ABCA1: variants seen among roughly 807,000 people sequenced by gnomAD.
ABCA1 encodes ATP binding cassette subfamily A member 1.
A neutral mutation model predicts 262.5 loss-of-function variants in ABCA1; 133 were observed. The ratio of observed to expected loss-of-function variants is 0.51; its 90% confidence interval spans 0.44 to 0.59. ABCA1 has a LOEUF of 0.59. ABCA1 is among the 20% of genes least tolerant of loss of function. ABCA1 has a pLI of 0.00. For synonymous variants in ABCA1, 1,022 were observed against 1,043.5 expected, an observed-to-expected ratio of 0.98 and a Z score of 0.40; for missense variants, 2,452 against 2,777.5, an observed-to-expected ratio of 0.88 and a Z score of 2.63.
chr9:104,866,061 A>G (rs1445108854), intron 5 of ABCA1, among the ~76,000 whole-genome samples: 1 of 152,224 alleles, frequency 6.6e-6, no homozygotes, highest in Non-Finnish European at 1.5e-5. Flanking sequence ...AAAAGGACAG[A>G]GTCAAAAATC....
At chr9:104,889,041 G>T (rs1365167444) in intron 3 of ABCA1, 61 bp downstream of exon 3, 4 of 1,460,522 alleles carry the variant, frequency 2.7e-6, no homozygotes, top group Non-Finnish European at 3.8e-6. Context: ...TTTAGCCCAC[G>T]TTAATTGCCT....
chr9:104,826,355 G>A (rs1372037750), intron 16 of ABCA1, among the ~76,000 whole-genome samples: 1 of 152,042 alleles, frequency 6.6e-6, no homozygotes, highest in Non-Finnish European at 1.5e-5. Flanking sequence ...TAAGTGACCT[G>A]GGGACATCTG....
At chr9:104,895,796 C>T (rs1389910593) in intron 2 of ABCA1, among the ~76,000 whole-genome samples, 1 of 152,156 alleles carries the variant, frequency 6.6e-6, no homozygotes, top group Non-Finnish European at 1.5e-5. Flanking sequence ...CCATTTCCCT[C>T]CCTAGCCTGA....
intron 1 of ABCA1, among the ~76,000 whole-genome samples, chr9:104,909,939 T>C (rs1841399297): frequency 6.6e-6 from 1 of 152,218 alleles, no homozygotes; most frequent in Non-Finnish European, 1.5e-5. Context: ...AATCTGTCTA[T>C]GGAAACACAG....
At chr9:104,882,268 G>A (rs1023963556) in intron 5 of ABCA1, among the ~76,000 whole-genome samples, 38 of 152,170 alleles carry the variant, frequency 2.5e-4, no homozygotes, top group South Asian at 6.2e-4. Flanking sequence ...TAGAACCACC[G>A]GCGCATGATA....
chr9:104,822,055 C>A (rs1832406477), intron 19 of ABCA1, among the ~76,000 whole-genome samples: 2 of 152,242 alleles, frequency 1.3e-5, no homozygotes, highest in South Asian at 4.2e-4. Flanking sequence ...CTTTACAGCC[C>A]CTGACCCCTC....
chr9:104,835,465 C>T (rs1833737516), intron 11 of ABCA1, among the ~76,000 whole-genome samples: 1 of 152,150 alleles, frequency 6.6e-6, no homozygotes, highest in African/African-American at 2.4e-5. Flanking sequence ...CTCTCTTTCA[C>T]TGCTCTGCCA....
At chr9:104,887,911 G>T (rs1026007347) in intron 3 of ABCA1, among the ~76,000 whole-genome samples, 13 of 151,858 alleles carry the variant, frequency 8.6e-5, no homozygotes, top group African/African-American at 3.1e-4. Context: ...ATTTTTAGTA[G>T]AGACGAGGTT....
intron 7 of ABCA1, among the ~76,000 whole-genome samples, chr9:104,857,211 G>A (rs139680979): frequency 2.1e-4 from 32 of 152,188 alleles, no homozygotes; most frequent in African/African-American, 6.0e-4. Flanking sequence ...GCTGAGGCAT[G>A]AGAATCACTT....
chr9:104,862,750 C>A (rs1479112266), intron 5 of ABCA1, among the ~76,000 whole-genome samples: 3 of 109,122 alleles, frequency 2.7e-5, no homozygotes, highest in East Asian at 5.3e-4. Context: ...CCCACCCCCA[C>A]CCCCAGAGTT....
chr9:104,788,016 C>CT lies in ABCA1; in HGVS notation c.6107dup (p.Tyr2037ValfsTer8). On this transcript the variant is annotated frameshift_variant, in exon 46 of 50. Transcript: ENST00000374736. LOFTEE classifies it high-confidence loss of function. Reference sequence around the variant, plus strand: ...AGTTACCAGCATATTTTTCTCCATACTTCACGAGGCCCAGTTTCCGAATCG... The same window carrying CT: ...AGTTACCAGCATATTTTTCTCCATACTTTCACGAGGCCCAGTTTCCGAATCG... The CT allele has an allele frequency of 6.2e-7, 1 of 1,614,212 alleles. No individual in the cohort carries two copies. Among genetic ancestry groups the CT allele is most frequent in the Non-Finnish European group, 8.5e-7 (1 of 1,180,034 alleles).
At chr9:104,889,264 T>C in intron 2 of ABCA1, 69 bp from the exon 3 acceptor site, 1 of 1,565,338 alleles carries the variant, frequency 6.4e-7, no homozygotes, top group South Asian at 1.2e-5. Context: ...CACTGGGATC[T>C]GGGAAATCCA....
intron 2 of ABCA1, among the ~76,000 whole-genome samples, chr9:104,898,953 T>C (rs922827468): frequency 2.0e-5 from 3 of 152,222 alleles, no homozygotes; most frequent in African/African-American, 7.2e-5. Context: ...TAGTTATATT[T>C]TTATTTGTGT....
In ABCA1 at chr9:104,799,715, G is replaced by C. The variant is rs905403088; in HGVS notation, c.4943+104C>G. The C allele has an allele frequency of 1.6e-5, 25 of 1,606,834 alleles. No individual in the cohort carries two copies. The African/African-American group carries it at 2.8e-4, about 18-fold the overall frequency. On this transcript the variant is annotated intron_variant, in intron 36 of 49. Coordinates refer to ENST00000374736, the MANE Select transcript of ABCA1 (RefSeq NM_005502.4). The stretch of plus-strand genomic sequence containing the variant: ...CAATCCAGATTTATCATAATATAAC[G>C]GTCTCTGCAGCTGTTCCCCTACAAT...
At chr9:104,917,716 T>G (rs149944280) in intron 1 of ABCA1, among the ~76,000 whole-genome samples, 17,118 of 151,986 alleles carry the variant, frequency 0.11, 1,197 homozygotes, top group African/African-American at 0.2. Context: ...GTGGTGCCAC[T>G]GCACTCCAGC....
intron 7 of ABCA1, among the ~76,000 whole-genome samples, chr9:104,853,619 A>C (rs1835572628): frequency 6.6e-6 from 1 of 152,034 alleles, no homozygotes; most frequent in Non-Finnish European, 1.5e-5. Flanking sequence ...CAGACATACA[A>C]TAAACACTTG....
At chr9:104,825,535 A>C in intron 17 of ABCA1, 148 bp downstream of exon 17, 1 of 785,392 alleles carries the variant, frequency 1.3e-6, no homozygotes, top group Non-Finnish European at 2.2e-6. Context: ...TTTCAGCATC[A>C]GCTGCCTGTC....
rs139467861 is a variant in ABCA1 at position 104,889,381 on chromosome 9, A to T, written c.67-186T>A. ...CCAACCTTTTAACATACCATTCCAT[A>T]TACCTCTGTGTCTTCCCTTAGGTAA... On this transcript the variant is annotated intron_variant, in intron 2 of 49. Coordinates refer to ENST00000374736, the MANE Select transcript of ABCA1 (RefSeq NM_005502.4). The T allele has an allele frequency of 5.2e-4, 515 of 984,892 alleles. 1 individual carries two copies. The highest frequency in any genetic ancestry group is 1.0e-3 in the Middle Eastern group (2 of 1,910). 61.0% of individuals were successfully genotyped at this position (984,892 alleles called of 1,614,324 possible). A position where few individuals can be genotyped will look rare whatever the true frequency, so the allele number is the denominator to read the frequency against.
In ABCA1 at chr9:104,831,667, C is replaced by T. The variant is rs1833339070; in HGVS notation, c.1670G>A (p.Arg557Gln). ...ELPHHVKYKI[R>Q]MDIDNVERTN... ...CCTCTCCACATTGTCAATGTCCATTCGGATCTTGTACTTGACATGATGGGG... is the reference window on the plus strand; with the variant it reads ...CCTCTCCACATTGTCAATGTCCATTTGGATCTTGTACTTGACATGATGGGG... The change falls in exon 13 of 50, where the codon CGA (arginine) becomes CAA (glutamine). Residue 557 changes from arginine (R) to glutamine (Q), a missense_variant. Around this residue, in one of 4 missense-constraint regions of ABCA1, gnomAD observed 1,032 missense variants for 1,089.7 expected, o/e 0.95. Transcript: ENST00000374736. 8 of 1,614,188 alleles carry T rather than the reference C, an allele frequency of 5.0e-6. No individual in the cohort carries two copies. Among genetic ancestry groups the T allele is most frequent in the South Asian group, 1.1e-5 (1 of 91,078 alleles).
Sources: gnomAD v4.1 joint callset for allele counts (sites outside exome capture counted in the v4.1 genomes callset) on GRCh38, gnomAD v4.1.1 for gene constraint, gnomAD v4.1.1 regional missense constraint, MANE v1.5 for transcripts, NCBI Gene and HGNC (gene_info 2026-07-23, HGNC 2026-07-21) for gene names.